The following FAF2 variants were observed in gnomAD, a reference collection of about 807,000 sequenced individuals.
The protein encoded by FAF2 is FAS-associated factor 2.
A neutral mutation model predicts 62.3 loss-of-function variants in FAF2; 9 were observed. The observed-to-expected ratio is 0.14, with a 90% CI of 0.09 to 0.25. FAF2 has a LOEUF of 0.25. FAF2 is among the 10% of genes least tolerant of loss of function. The pLI is 1.00. For synonymous variants in FAF2, 202 were observed against 198.0 expected, an observed-to-expected ratio of 1.02 and a Z score of -0.17; for missense variants, 368 against 556.2, an observed-to-expected ratio of 0.66 and a Z score of 3.40.
intron 2 of FAF2, among the ~76,000 whole-genome samples, chr5:176,481,977 C>T (rs1314703875): frequency 6.6e-6 from 1 of 152,048 alleles, no homozygotes; most frequent in African/African-American, 2.4e-5. Context: ...TTCCCAACAG[C>T]GTTGTAGGAA....
At position 176,490,310 on chromosome 5, in the gene FAF2, C is replaced by CAA. The variant is rs34742727; in HGVS notation, c.344+1296_344+1297dup. 9.5e-3 allele frequency among the ~76,000 whole-genome samples: 1,084 copies of CAA among 114,300 alleles called. 8 individuals are homozygous for CAA. Among genetic ancestry groups the CAA allele is most frequent in the Non-Finnish European group, 0.014 (766 of 54,766 alleles). 75.0% of individuals were successfully genotyped at this position (114,300 alleles called of 152,430 possible). ...TGGGTGAGAGAGTGGGACTCCGTCT[C>CAA]AAAAAAAAAAAAAAGAAAAAGAAAA... On this transcript the variant is annotated intron_variant, in intron 4 of 10. Coordinates refer to ENST00000261942, the MANE Select transcript of FAF2 (RefSeq NM_014613.3).
chr5:176,502,358 A>G (rs1581077009), intron 10 of FAF2, among the ~76,000 whole-genome samples: 1 of 152,102 alleles, frequency 6.6e-6, no homozygotes, highest in African/African-American at 2.4e-5. Context: ...AGGCAGGCGG[A>G]TCACCTGAGG....
At chr5:176,487,357 A>AT (rs1298380556) in intron 3 of FAF2, among the ~76,000 whole-genome samples, 1 of 151,840 alleles carries the variant, frequency 6.6e-6, no homozygotes, top group Non-Finnish European at 1.5e-5. Flanking sequence ...TAATTTTTGT[A>AT]TTTTTTGTAG....
intron 1 of FAF2, among the ~76,000 whole-genome samples, chr5:176,457,381 A>G (rs1758295370): frequency 1.3e-5 from 2 of 151,870 alleles, no homozygotes; most frequent in South Asian, 2.1e-4. Context: ...AGTAGAGACA[A>G]GGTTTCACCA....
chr5:176,480,950 A>G (rs1351086276), intron 2 of FAF2, among the ~76,000 whole-genome samples: 1 of 152,178 alleles, frequency 6.6e-6, no homozygotes, highest in Admixed American at 6.6e-5. Flanking sequence ...CAGAACTTAA[A>G]GTATAATTTA....
intron 2 of FAF2, among the ~76,000 whole-genome samples, chr5:176,484,795 G>T (rs1360936578): frequency 6.6e-6 from 1 of 151,964 alleles, no homozygotes; most frequent in Non-Finnish European, 1.5e-5. Flanking sequence ...GGAGGCTGAG[G>T]CAGGAGAATC....
chr5:176,468,482 G>C (rs571001725), intron 1 of FAF2, among the ~76,000 whole-genome samples: 2 of 152,296 alleles, frequency 1.3e-5, no homozygotes, highest in South Asian at 4.1e-4. Flanking sequence ...TGCTCGGGAG[G>C]CTGAGGCAGG....
intron 1 of FAF2, among the ~76,000 whole-genome samples, chr5:176,463,630 T>C (rs1758416747): frequency 6.6e-6 from 1 of 152,106 alleles, no homozygotes; most frequent in African/African-American, 2.4e-5. Flanking sequence ...ACTATTTTTA[T>C]TTACATTTTA....
chr5:176,483,641 G>A (rs990504160), intron 2 of FAF2, among the ~76,000 whole-genome samples: 3 of 152,194 alleles, frequency 2.0e-5, no homozygotes, highest in Admixed American at 6.5e-5. Flanking sequence ...CTTCACTTCT[G>A]AAACCACCTG....
At chr5:176,452,852 G>T (rs1758214040) in intron 1 of FAF2, among the ~76,000 whole-genome samples, 1 of 152,198 alleles carries the variant, frequency 6.6e-6, no homozygotes, top group Admixed American at 6.5e-5. Context: ...TTTCAGGTTT[G>T]CTTCATTAGC....
intron 1 of FAF2, among the ~76,000 whole-genome samples, chr5:176,457,333 C>T (rs772737676): frequency 6.6e-5 from 10 of 152,060 alleles, no homozygotes; most frequent in Admixed American, 3.9e-4. Flanking sequence ...GGATTATAGG[C>T]GCCCACCACC....
At chr5:176,456,754 G>C (rs954259598) in intron 1 of FAF2, among the ~76,000 whole-genome samples, 2 of 152,126 alleles carry the variant, frequency 1.3e-5, no homozygotes, top group Non-Finnish European at 2.9e-5. Flanking sequence ...CTCTTTTTCA[G>C]AGTTTTCCTG....
At chr5:176,499,743 C>T (rs1011141692) in intron 9 of FAF2, among the ~76,000 whole-genome samples, 19 of 152,000 alleles carry the variant, frequency 1.3e-4, no homozygotes, top group African/African-American at 4.6e-4. Flanking sequence ...GCTGTGGCCT[C>T]TGAAGTAGCT....
At position 176,494,196 on chromosome 5, in the gene FAF2, T is replaced by G; in HGVS notation, c.582T>G (p.Cys194Trp). The change falls in exon 7 of 11, where the codon TGT becomes TGG. Residue 194 changes from cysteine to tryptophan, a missense_variant. By Grantham distance (215) the Cys-to-Trp change is radical. This residue lies in a region of FAF2 where 331 missense variants were observed against 441.9 expected (regional missense o/e 0.75). Transcript: ENST00000261942. This position sits in a 1 kb window ranked among gnomAD's most constrained non-coding sequence, Gnocchi z 4.0. ...TACCTTTCCACAGCAACACACTCTG[T>G]GCACCTGAAGTTATTTCACTAATAA... Reference protein sequence around the residue: ...DSDEFCRNTLCAPEVISLINT... With the variant: ...DSDEFCRNTLWAPEVISLINT... 6.2e-7 allele frequency: 1 copy of G among 1,614,184 alleles called. No individual in the cohort carries two copies. Among genetic ancestry groups the G allele is most frequent in the Non-Finnish European group, 8.5e-7 (1 of 1,180,006 alleles).
chr5:176,481,440 G>C (rs1329511623), intron 2 of FAF2, among the ~76,000 whole-genome samples: 1 of 152,052 alleles, frequency 6.6e-6, no homozygotes, highest in Non-Finnish European at 1.5e-5. Context: ...GGCAGATCAC[G>C]AGGTCAGGAG....
intron 1 of FAF2, among the ~76,000 whole-genome samples, chr5:176,456,467 A>G (rs1581467454): frequency 6.6e-6 from 1 of 152,242 alleles, no homozygotes; most frequent in East Asian, 1.9e-4. Flanking sequence ...TACAGATGGC[A>G]TGTAAGCATA....
chr5:176,461,245 C>T (rs1014800556), intron 1 of FAF2, among the ~76,000 whole-genome samples: 2 of 150,318 alleles, frequency 1.3e-5, no homozygotes, highest in Non-Finnish European at 2.9e-5. Context: ...AACTCCTGAC[C>T]TCAAGCAGTC....
intron 1 of FAF2, among the ~76,000 whole-genome samples, chr5:176,463,378 C>T (rs1284810355): frequency 6.6e-6 from 1 of 150,962 alleles, no homozygotes; most frequent in Non-Finnish European, 1.5e-5. Flanking sequence ...GAGTGAGACT[C>T]CATCTCAAAA....
chr5:176,496,835 T>C (rs745534082), intron 8 of FAF2, 172 bp downstream of exon 8: 61 of 452,694 alleles, frequency 1.3e-4, no homozygotes, highest in Non-Finnish European at 2.1e-4. Flanking sequence ...TTACTCTATA[T>C]CAGGTAATCT....
Sources: gnomAD v4.1 joint callset for allele counts (sites outside exome capture counted in the v4.1 genomes callset) on GRCh38, gnomAD v4.1.1 for gene constraint, gnomAD v4.1.1 regional missense constraint, Gnocchi (gnomAD v3.1) non-coding constraint, MANE v1.5 for transcripts, NCBI Gene and HGNC (gene_info 2026-07-23, HGNC 2026-07-21) for gene names.